DNAI1: variants seen among roughly 807,000 people sequenced by gnomAD.
DNAI1 encodes dynein, axonemal, intermediate polypeptide 1.
Under a neutral mutation model 92.0 loss-of-function variants are expected in DNAI1, and 67 were observed. The observed-to-expected ratio is 0.73, with a 90% CI of 0.60 to 0.89. The LOEUF is 0.89. Among genes scored for constraint, DNAI1 ranks in the 40% least tolerant of loss-of-function variants. The probability of loss-of-function intolerance (pLI) is 0.00; values close to 1 mark genes in which losing one functional copy is unlikely to be tolerated. For missense variants in DNAI1, 839 were observed against 866.6 expected, an observed-to-expected ratio of 0.97 and a Z score of 0.40; for synonymous variants, 323 against 319.6, an observed-to-expected ratio of 1.01 and a Z score of -0.11.
chr9:34,515,368 C>T (rs1308785000), intron 18 of DNAI1, among the ~76,000 whole-genome samples: 1 of 152,234 alleles, frequency 6.6e-6, no homozygotes, highest in African/African-American at 2.4e-5. Context: ...GAACAGATAA[C>T]TACTAAGGGC....
At chr9:34,482,822 T>C (rs1824391199) in intron 1 of DNAI1, among the ~76,000 whole-genome samples, 1 of 152,244 alleles carries the variant, frequency 6.6e-6, no homozygotes, top group Non-Finnish European at 1.5e-5. Flanking sequence ...AGGATGGTGC[T>C]CGTCGGGGAG....
intron 1 of DNAI1, among the ~76,000 whole-genome samples, chr9:34,469,174 T>C (rs1440662480): frequency 1.3e-5 from 2 of 150,886 alleles, no homozygotes; most frequent in African/African-American, 4.9e-5. Context: ...CAAAGAAAAA[T>C]GACAAATTGC....
At position 34,506,641 on chromosome 9, in the gene DNAI1, C is replaced by T. The variant is rs1824935311; in HGVS notation, c.1078C>T (p.Gln360Ter). ...TCCCTGGGTAGATGACTTCATGAAG[C>T]AGAGCCGGGGCATGCTGCTGCTCTA... ...VGYGSYDFMK[Q>*]SRGMLLLYSL... Residue 360 changes from glutamine (Q) to a stop codon, truncating the protein, a stop_gained, in exon 13 of 20, where the codon CAG becomes TAG. Coordinates refer to ENST00000242317, the MANE Select transcript of DNAI1 (RefSeq NM_012144.4). LOFTEE classifies it high-confidence loss of function. The T allele has an allele frequency of 3.1e-6, 5 of 1,614,214 alleles. No homozygotes were observed. Among genetic ancestry groups the T allele is most frequent in the Non-Finnish European group, 4.2e-6 (5 of 1,180,034 alleles).
chr9:34,472,892 C>G (rs573140192), intron 1 of DNAI1, among the ~76,000 whole-genome samples: 4 of 150,158 alleles, frequency 2.7e-5, no homozygotes, highest in Non-Finnish European at 5.9e-5. Flanking sequence ...TGGAGTAAGA[C>G]CCTGACTAAA....
chr9:34,517,811 C>T (rs911288241), intron 19 of DNAI1, among the ~76,000 whole-genome samples: 1 of 152,168 alleles, frequency 6.6e-6, no homozygotes. Context: ...AGGCAGGGGG[C>T]CTGGGGCTGA....
intron 1 of DNAI1, among the ~76,000 whole-genome samples, chr9:34,480,883 T>C (rs1229051301): frequency 6.6e-6 from 1 of 152,012 alleles, no homozygotes; most frequent in Non-Finnish European, 1.5e-5. Context: ...GAGGTGGAGG[T>C]TGCAGTGAGC....
chr9:34,503,899 C>G (rs1824877540), intron 12 of DNAI1, among the ~76,000 whole-genome samples: 1 of 152,202 alleles, frequency 6.6e-6, no homozygotes, highest in African/African-American at 2.4e-5. Context: ...AGAAAAGGAA[C>G]TAGCCCAAGA....
At chr9:34,480,309 C>T (rs1389703188) in intron 1 of DNAI1, among the ~76,000 whole-genome samples, 1 of 127,186 alleles carries the variant, frequency 7.9e-6, no homozygotes, top group Admixed American at 9.1e-5. Context: ...GATGGAGTCT[C>T]GCTGTGTCAC....
At chr9:34,491,427 T>C in intron 7 of DNAI1, 68 bp from the exon 8 acceptor site, 1 of 1,562,790 alleles carries the variant, frequency 6.4e-7, no homozygotes, top group Non-Finnish European at 8.8e-7. Context: ...CTCTCAAAGA[T>C]ATACTGTTGG....
intron 13 of DNAI1, among the ~76,000 whole-genome samples, chr9:34,507,393 A>G (rs1306344734): frequency 2.0e-5 from 3 of 152,244 alleles, no homozygotes; most frequent in Non-Finnish European, 2.9e-5. Context: ...CCTTACAATT[A>G]GGCAAGTAGA....
chr9:34,492,535 T>TATATATATATATATATATATATATA (rs1425684909), intron 8 of DNAI1, among the ~76,000 whole-genome samples: 6 of 131,900 alleles, frequency 4.5e-5, no homozygotes, highest in Non-Finnish European at 8.2e-5. Context: ...TATATATATA[T>TATATATATATATATATATATATATA]TTGAGACAAG....
In DNAI1 at chr9:34,502,251, C is replaced by T. The variant is rs1029847455; in HGVS notation, c.1063+1070C>T. On this transcript the variant is annotated intron_variant, in intron 12 of 19. Coordinates refer to ENST00000242317, the MANE Select transcript of DNAI1 (RefSeq NM_012144.4). ...GTGGTCTGGGCCGCCTTTGAGGATG[C>T]CCTAAATGCCTGCTTTGTGTCCCCA... is the stretch of plus-strand genomic sequence containing the variant. Among the ~76,000 whole-genome samples, 17 of 152,294 alleles carry T rather than the reference C, an allele frequency of 1.1e-4. No homozygotes were observed. The South Asian group carries it at 3.3e-3, about 30-fold the overall frequency.
intron 12 of DNAI1, among the ~76,000 whole-genome samples, chr9:34,501,496 G>T (rs754773977): frequency 6.6e-6 from 1 of 152,240 alleles, no homozygotes; most frequent in Non-Finnish European, 1.5e-5. Flanking sequence ...AAGCTGCTGG[G>T]GGGGCCAGGG....
intron 1 of DNAI1, among the ~76,000 whole-genome samples, chr9:34,476,986 C>T (rs933552603): frequency 1.6e-4 from 24 of 152,054 alleles, no homozygotes; most frequent in Non-Finnish European, 3.2e-4. Context: ...CATCTCATGG[C>T]GGAGGGTGGG....
chr9:34,491,661 C>T (rs1176854725), intron 8 of DNAI1, 107 bp downstream of exon 8: 1 of 1,202,976 alleles, frequency 8.3e-7, no homozygotes, highest in Non-Finnish European at 1.2e-6. Context: ...TGGCAGTCTG[C>T]CCTCCTCATC....
Position 34,500,733 on chromosome 9 carries a change from T to C in DNAI1, c.913T>C (p.Tyr305His). Residue 305 changes from tyrosine to histidine, a missense_variant, in exon 11 of 20, where the codon TAT (tyrosine) becomes CAT (histidine). Transcript: ENST00000242317. Reference protein sequence around the residue: ...YDDIAQDFKYYDDAADEYRDQ... With the variant: ...YDDIAQDFKYHDDAADEYRDQ... ...TGTGTGTGTTTAAGATTTTAAGTAC[T>C]ATGACGATGCTGCTGATGAATACCG... 6.2e-7 allele frequency: 1 copy of C among 1,613,558 alleles called. No individual in the cohort carries two copies. The highest frequency in any genetic ancestry group is 8.5e-7 in the Non-Finnish European group (1 of 1,179,644).
chr9:34,511,113 G>A (rs758410375), intron 13 of DNAI1, among the ~76,000 whole-genome samples: 7 of 152,178 alleles, frequency 4.6e-5, no homozygotes, highest in African/African-American at 1.2e-4. Flanking sequence ...GACGGGGAGG[G>A]GACAGGACGG....
Position 34,489,155 on chromosome 9 carries a change from TC to T in DNAI1, c.262-167del. Reference sequence around the variant, plus strand: ...TTCATTTGTCTTCTCTTCCTTTTCTTCTTTAAACTGAAATGCAGTGAAAACT... The same window carrying T: ...TTCATTTGTCTTCTCTTCCTTTTCTTTTTAAACTGAAATGCAGTGAAAACT... On this transcript the variant is annotated intron_variant, in intron 4 of 19. Transcript: ENST00000242317. 4 of 734,866 alleles carry T rather than the reference TC, an allele frequency of 5.4e-6. No homozygotes were observed. In the South Asian group the frequency reaches 6.4e-5, roughly 12 times the overall value. 45.5% of individuals were successfully genotyped at this position (734,866 alleles called of 1,614,324 possible).
At chr9:34,509,939 G>A (rs974472675) in intron 13 of DNAI1, among the ~76,000 whole-genome samples, 9 of 152,038 alleles carry the variant, frequency 5.9e-5, no homozygotes, top group Non-Finnish European at 1.0e-4. Context: ...AACAGGTTTG[G>A]CCAGAAAGTA....
Sources: allele counts gnomAD v4.1 joint callset (sites outside exome capture counted in the v4.1 genomes callset), GRCh38; gene constraint gnomAD v4.1.1; transcripts MANE v1.5; gene names NCBI Gene and HGNC (gene_info 2026-07-23, HGNC 2026-07-21).